MCOLN2: variants seen among roughly 807,000 people sequenced by gnomAD.
MCOLN2 encodes the protein mucolipin TRP cation channel 2, also known as mucolipin-2.
A neutral mutation model predicts 67.5 loss-of-function variants in MCOLN2; 57 were observed. That is an observed-to-expected ratio of 0.84 (90% CI 0.68 to 1.05). The LOEUF is 1.05. MCOLN2 is among the 50% of genes least tolerant of loss of function. The pLI, the probability that MCOLN2 is intolerant of heterozygous loss-of-function variation, is 0.00. For synonymous variants in MCOLN2, 246 were observed against 233.3 expected, an observed-to-expected ratio of 1.05 and a Z score of -0.50; for missense variants, 620 against 678.8, an observed-to-expected ratio of 0.91 and a Z score of 0.96.
intron 4 of MCOLN2, among the ~76,000 whole-genome samples, chr1:84,953,802 G>A (rs1260766026): frequency 6.6e-6 from 1 of 152,110 alleles, no homozygotes; most frequent in Non-Finnish European, 1.5e-5. Flanking sequence ...GTTTTACAGG[G>A]CAGGAAACAA....
chr1:84,956,488 T>C lies in MCOLN2; in HGVS notation c.508A>G (p.Lys170Glu). Reference sequence around the variant, plus strand: ...TCATTAGAAGGAAACATGGTCCCTTTCTTGTAATGCTGCTTACAGACTTTT... The same window carrying C: ...TCATTAGAAGGAAACATGGTCCCTTCCTTGTAATGCTGCTTACAGACTTTT... Reference protein sequence around the residue: ...GLKVCKQHYKKGTMFPSNETL... With the variant: ...GLKVCKQHYKEGTMFPSNETL... The change falls in exon 4 of 14, where the codon AAA (lysine) becomes GAA (glutamate). Residue 170 changes from lysine (K) to glutamate (E), a missense_variant. Physicochemically the swap from Lys to Glu is moderately conservative, Grantham distance 56. Transcript: ENST00000370608. 2 of 1,612,066 alleles carry C rather than the reference T, an allele frequency of 1.2e-6. No individual in the cohort carries two copies. Among genetic ancestry groups the C allele is most frequent in the Non-Finnish European group, 1.7e-6 (2 of 1,179,330 alleles).
intron 3 of MCOLN2, among the ~76,000 whole-genome samples, chr1:84,958,275 A>G (rs1416974330): frequency 6.6e-6 from 1 of 152,142 alleles, no homozygotes; most frequent in African/African-American, 2.4e-5. Context: ...TTGCTATTTG[A>G]TCTGGGGTAA....
At chr1:84,962,837 A>C (rs1437018599) in intron 2 of MCOLN2, among the ~76,000 whole-genome samples, 5 of 152,156 alleles carry the variant, frequency 3.3e-5, no homozygotes, top group Non-Finnish European at 5.9e-5. Flanking sequence ...GAGAGGTGAA[A>C]TTTTCTTCTT....
intron 2 of MCOLN2, among the ~76,000 whole-genome samples, chr1:84,959,748 A>T (rs138366177): frequency 1.3e-5 from 2 of 152,330 alleles, no homozygotes; most frequent in Non-Finnish European, 2.9e-5. Context: ...TCACTCAACT[A>T]AGCCACCAAA....
chr1:84,967,697 A>C (rs1186329508), intron 1 of MCOLN2, among the ~76,000 whole-genome samples: 1 of 143,086 alleles, frequency 7.0e-6, no homozygotes, highest in East Asian at 2.3e-4. Flanking sequence ...GCAAGGAAAG[A>C]GGGAGAGAAG....
intron 1 of MCOLN2, among the ~76,000 whole-genome samples, chr1:84,971,310 A>G (rs995530443): frequency 2.0e-5 from 3 of 152,198 alleles, no homozygotes; most frequent in East Asian, 1.9e-4. Context: ...CCTAAGTTTT[A>G]AAATAATATG....
intron 1 of MCOLN2, 107 bp from the exon 2 acceptor site, chr1:84,965,815 T>C: frequency 1.1e-6 from 1 of 940,322 alleles, no homozygotes; most frequent in Non-Finnish European, 1.6e-6. Flanking sequence ...GCATGTCATA[T>C]ACTGAAAAGC....
At chr1:84,943,268 A>AC (rs543485828) in intron 7 of MCOLN2, among the ~76,000 whole-genome samples, 256 of 152,274 alleles carry the variant, frequency 1.7e-3, no homozygotes, top group Non-Finnish European at 3.1e-3. Context: ...AAGAAGGACA[A>AC]CCAAGAATGA....
intron 1 of MCOLN2, 82 bp from the exon 2 acceptor site, chr1:84,965,790 G>A: frequency 7.5e-7 from 1 of 1,338,294 alleles, no homozygotes; most frequent in Non-Finnish European, 1.0e-6. Flanking sequence ...CCCTAAACTT[G>A]AGTTGGTACA....
chr1:84,976,996 A>G (rs1331067512), intron 1 of MCOLN2, among the ~76,000 whole-genome samples: 1 of 152,236 alleles, frequency 6.6e-6, no homozygotes, highest in African/African-American at 2.4e-5. Flanking sequence ...CCTAAGTAGA[A>G]AAATTAAATG....
At chr1:84,968,962 T>G (rs1295907135) in intron 1 of MCOLN2, among the ~76,000 whole-genome samples, 2 of 152,224 alleles carry the variant, frequency 1.3e-5, no homozygotes, top group Non-Finnish European at 1.5e-5. Flanking sequence ...ATACCCTTTT[T>G]GTCCAGTCAC....
At chr1:84,957,216 T>C (rs1648840304) in intron 3 of MCOLN2, among the ~76,000 whole-genome samples, 1 of 152,200 alleles carries the variant, frequency 6.6e-6, no homozygotes, top group African/African-American at 2.4e-5. Flanking sequence ...CCTTCCCTGC[T>C]TTACTCCTTA....
At chr1:84,932,117 T>C (rs913058362) in intron 11 of MCOLN2, among the ~76,000 whole-genome samples, 3 of 152,082 alleles carry the variant, frequency 2.0e-5, no homozygotes, top group African/African-American at 7.2e-5. Context: ...GTACTTTTTA[T>C]ATATCTAAAA....
At chr1:84,929,462 C>T (rs1661299421) in intron 13 of MCOLN2, 96 bp downstream of exon 13, 1 of 1,329,146 alleles carries the variant, frequency 7.5e-7, no homozygotes, top group Non-Finnish European at 1.0e-6. Context: ...CCATGATAAG[C>T]TGGTCTCTGA....
chr1:84,988,848 C>T (rs1650743139), intron 1 of MCOLN2, among the ~76,000 whole-genome samples: 1 of 152,178 alleles, frequency 6.6e-6, no homozygotes. Flanking sequence ...TACACAATGA[C>T]TTCCTTCCTG....
chr1:84,935,514 C>T (rs757964030), intron 11 of MCOLN2, among the ~76,000 whole-genome samples: 36 of 152,102 alleles, frequency 2.4e-4, no homozygotes, highest in Non-Finnish European at 2.8e-4. Context: ...CAAATTGAGA[C>T]GTGCTATGTG....
In MCOLN2 at chr1:84,927,752, T is replaced by C. The variant is rs77655688; in HGVS notation, c.1665-1031A>G. Reference sequence around the variant, plus strand: ...TCATCTTTAGCCTCCATTCACAGCCTTCCTCAATTTTAGTCCATTCTTCTG... The same window carrying C: ...TCATCTTTAGCCTCCATTCACAGCCCTCCTCAATTTTAGTCCATTCTTCTG... On this transcript the variant is annotated intron_variant, in intron 13 of 13. Coordinates refer to ENST00000370608, the MANE Select transcript of MCOLN2 (RefSeq NM_153259.4). Among the ~76,000 whole-genome samples the C allele has an allele frequency of 4.6e-3, 706 of 152,300 alleles. 10 individuals carry two copies. Among genetic ancestry groups the C allele is most frequent in the African/African-American group, 0.016 (674 of 41,566 alleles).
chr1:84,974,782 TC>T (rs1014410678), intron 1 of MCOLN2, among the ~76,000 whole-genome samples: 4 of 151,900 alleles, frequency 2.6e-5, no homozygotes, highest in African/African-American at 9.7e-5. Context: ...TTCTGGACCT[TC>T]CGTGGGCCAG....
At chr1:84,988,104 A>T (rs891531967) in intron 1 of MCOLN2, among the ~76,000 whole-genome samples, 5 of 152,336 alleles carry the variant, frequency 3.3e-5, no homozygotes, top group Admixed American at 6.5e-5. Context: ...TAGTATTTTT[A>T]AAAAATGCTT....
Sources: allele counts gnomAD v4.1 joint callset (sites outside exome capture counted in the v4.1 genomes callset), GRCh38; gene constraint gnomAD v4.1.1; transcripts MANE v1.5; gene names NCBI Gene and HGNC (gene_info 2026-07-23, HGNC 2026-07-21).